Variants in CACNG2 observed in about 807,000 individuals in gnomAD.
The protein encoded by CACNG2 is voltage-dependent calcium channel gamma-2 subunit.
A neutral mutation model predicts 25.9 loss-of-function variants in CACNG2; 3 were observed. That is an observed-to-expected ratio of 0.12 (90% CI 0.05 to 0.30). The LOEUF (loss-of-function observed/expected upper bound fraction) is 0.30. Ranked by LOEUF, CACNG2 falls within the 10% of genes least tolerant of loss-of-function variation. CACNG2 has a pLI of 1.00. For missense variants in CACNG2, 341 were observed against 432.5 expected (o/e 0.79, Z 1.88); for synonymous variants, 167 against 173.3 (o/e 0.96, Z 0.29).
chr22:36,695,881 C>T (rs1255518675), intron 1 of CACNG2, among the ~76,000 whole-genome samples: 6 of 152,070 alleles, frequency 3.9e-5, no homozygotes, highest in Admixed American at 3.9e-4. Flanking sequence ...GTGCTTGGCG[C>T]TTTACAGGGG....
chr22:36,612,210 C>G (rs1935952602), intron 1 of CACNG2, among the ~76,000 whole-genome samples: 1 of 152,202 alleles, frequency 6.6e-6, no homozygotes, highest in Non-Finnish European at 1.5e-5. Flanking sequence ...TAAGACATGT[C>G]ACCTCTTAGT....
At chr22:36,599,703 G>GA (rs947033653) in intron 1 of CACNG2, among the ~76,000 whole-genome samples, 340 of 147,706 alleles carry the variant, frequency 2.3e-3, no homozygotes, top group African/African-American at 7.1e-3. Context: ...CTGTCTCAAA[G>GA]AAAAAAAAAA....
At chr22:36,644,450 G>A (rs1288433838) in intron 1 of CACNG2, among the ~76,000 whole-genome samples, 1 of 152,156 alleles carries the variant, frequency 6.6e-6, no homozygotes, top group East Asian at 1.9e-4. Context: ...GAAGCAAGTG[G>A]GGCTTATTTT....
chr22:36,632,077 T>C (rs1936280917), intron 1 of CACNG2, among the ~76,000 whole-genome samples: 2 of 152,192 alleles, frequency 1.3e-5, no homozygotes, highest in Admixed American at 6.5e-5. Flanking sequence ...GGGTGGACTA[T>C]GATGGAACCT....
At chr22:36,654,386 T>A (rs964427876) in intron 1 of CACNG2, among the ~76,000 whole-genome samples, 4 of 149,002 alleles carry the variant, frequency 2.7e-5, no homozygotes, top group African/African-American at 1.0e-4. Context: ...CCACCACGCC[T>A]GGCTAATTTA....
At chr22:36,619,514 G>A (rs935855691) in intron 1 of CACNG2, among the ~76,000 whole-genome samples, 2 of 152,202 alleles carry the variant, frequency 1.3e-5, no homozygotes, top group Non-Finnish European at 2.9e-5. Context: ...TATGTACCAA[G>A]TGTTGACTCT....
chr22:36,574,586 G>A (rs1935283651), intron 2 of CACNG2, among the ~76,000 whole-genome samples: 1 of 152,096 alleles, frequency 6.6e-6, no homozygotes, highest in South Asian at 2.1e-4. Flanking sequence ...TTCGAAACCA[G>A]CCTGGCCAAC....
Position 36,702,440 on chromosome 22 carries a change from C to G in CACNG2, c.137G>C (p.Ser46Thr), listed in dbSNP as rs749235149. 6.2e-7 allele frequency: 1 copy of G among 1,614,156 alleles called. No individual in the cohort carries two copies. Among genetic ancestry groups the G allele is most frequent in the Non-Finnish European group, 8.5e-7 (1 of 1,180,008 alleles). The change falls in exon 1 of 4, where the codon AGT becomes ACT. Residue 46 changes from serine to threonine, a missense_variant. Around this residue, in one of 2 missense-constraint regions of CACNG2, gnomAD observed 169 missense variants for 254.4 expected, o/e 0.66. Coordinates refer to ENST00000300105, the MANE Select transcript of CACNG2 (RefSeq NM_006078.5). ...GTTCTTTTTGCTGGTTTCATTCTCA[C>G]TGACACTTTTGGTCTTGCAAACCCC... The part of the protein sequence containing the change: ...SRGVCKTKSV[S>T]ENETSKKNEE...
intron 1 of CACNG2, among the ~76,000 whole-genome samples, chr22:36,675,406 C>T (rs2145996474): frequency 6.6e-6 from 1 of 152,300 alleles, no homozygotes; most frequent in Non-Finnish European, 1.5e-5. Flanking sequence ...CTCCCCTGTT[C>T]TCCTTTCCTG....
At chr22:36,680,489 T>C (rs1278093952) in intron 1 of CACNG2, among the ~76,000 whole-genome samples, 1 of 141,504 alleles carries the variant, frequency 7.1e-6, no homozygotes, top group Non-Finnish European at 1.5e-5. Context: ...ATCACAGTCA[T>C]TATTACCACC....
intron 1 of CACNG2, among the ~76,000 whole-genome samples, chr22:36,627,517 G>A (rs755635735): frequency 1.2e-4 from 18 of 152,192 alleles, no homozygotes; most frequent in Non-Finnish European, 1.9e-4. Flanking sequence ...TAGAGATAAC[G>A]GTGACCCACA....
At chr22:36,702,236 T>G in intron 1 of CACNG2, 130 bp downstream of exon 1, 11 of 626,046 alleles carry the variant, frequency 1.8e-5, no homozygotes, top group Non-Finnish European at 2.6e-5. Flanking sequence ...CCAACCTTGA[T>G]TGGTGGTGGA....
intron 1 of CACNG2, among the ~76,000 whole-genome samples, chr22:36,690,812 T>C (rs1937259266): frequency 6.6e-6 from 1 of 152,186 alleles, no homozygotes; most frequent in Non-Finnish European, 1.5e-5. Context: ...TGAGATTAAA[T>C]AGGCATCCTA....
rs7288234 is a variant in CACNG2 at position 36,621,860 on chromosome 22, C to T, written c.212-34312G>A. Among the ~76,000 whole-genome samples, 1,331 of 152,310 alleles carry T rather than the reference C, an allele frequency of 8.7e-3. 22 individuals carry two copies. The highest frequency in any genetic ancestry group is 0.03 in the African/African-American group (1,255 of 41,554). On this transcript the variant is annotated intron_variant, in intron 1 of 3. Coordinates refer to ENST00000300105, the MANE Select transcript of CACNG2 (RefSeq NM_006078.5). ...AACTAGAGCGGCATTAAAAAGACAACAGGATCTTCAGCCAGTGAAGACAAA... is the reference window on the plus strand; with the variant it reads ...AACTAGAGCGGCATTAAAAAGACAATAGGATCTTCAGCCAGTGAAGACAAA...
rs1428865267 is a variant in CACNG2, at chr22:36,562,399, G to A, written c.*1952C>T. The A allele has an allele frequency of 1.3e-5, 2 of 152,054 alleles. No homozygotes were observed. Among genetic ancestry groups the A allele is most frequent in the African/African-American group, 2.4e-5 (1 of 41,348 alleles). The allele number at this position is 152,054 out of a possible 1,614,324, so 9.4% of individuals were successfully genotyped here. ...GGGGGGAAAATTAAGGCCCAGAGAG[G>A]CCATGCAGCAAGGAATTCCGGAATC... On this transcript the variant is annotated 3_prime_UTR_variant, in exon 4 of 4. Coordinates refer to ENST00000300105, the MANE Select transcript of CACNG2 (RefSeq NM_006078.5).
chr22:36,692,757 A>G (rs1468503421), intron 1 of CACNG2, among the ~76,000 whole-genome samples: 3 of 152,234 alleles, frequency 2.0e-5, no homozygotes, highest in Non-Finnish European at 2.9e-5. Context: ...ATGGTGATGG[A>G]CAAGGCAGAC....
At chr22:36,666,872 G>A (rs1299659665) in intron 1 of CACNG2, among the ~76,000 whole-genome samples, 2 of 152,122 alleles carry the variant, frequency 1.3e-5, no homozygotes, top group Middle Eastern at 3.4e-3. Flanking sequence ...TAGACCGGAT[G>A]GCCCACTTCC....
chr22:36,683,598 C>T (rs1018518152), intron 1 of CACNG2, among the ~76,000 whole-genome samples: 1 of 152,192 alleles, frequency 6.6e-6, no homozygotes, highest in African/African-American at 2.4e-5. Flanking sequence ...CAGGTATGAT[C>T]ATTATGGAGA....
intron 2 of CACNG2, among the ~76,000 whole-genome samples, chr22:36,583,048 C>T (rs1935445595): frequency 6.6e-6 from 1 of 152,022 alleles, no homozygotes; most frequent in Admixed American, 6.6e-5. Context: ...CAGGTTGGTC[C>T]AGTTCCTCAT....
Sources: allele counts gnomAD v4.1 joint callset (sites outside exome capture counted in the v4.1 genomes callset), GRCh38; gene constraint gnomAD v4.1.1; regional missense constraint gnomAD v4.1.1; transcripts MANE v1.5; gene names NCBI Gene and HGNC (gene_info 2026-07-23, HGNC 2026-07-21).